The following RFX1 variants were observed in gnomAD, a reference collection of about 807,000 sequenced individuals.
The protein encoded by RFX1 is MHC class II regulatory factor RFX1.
Under a neutral mutation model 119.6 loss-of-function variants are expected in RFX1, and 42 were observed. The observed-to-expected ratio is 0.35, with a 90% CI of 0.27 to 0.45. RFX1 has a LOEUF of 0.45. RFX1 is among the 20% of genes least tolerant of loss of function. The pLI, the probability that RFX1 is intolerant of heterozygous loss-of-function variation, is 1.00. For synonymous variants in RFX1, 628 were observed against 618.5 expected (o/e 1.02, Z -0.23); for missense variants, 1,118 against 1,368.1 (o/e 0.82, Z 2.88).
chr19:13,974,679 T>A (rs1974200298), intron 8 of RFX1, among the ~76,000 whole-genome samples: 1 of 152,136 alleles, frequency 6.6e-6, no homozygotes, highest in East Asian at 1.9e-4. Context: ...AGGGGGCACC[T>A]CTCACCATCT....
intron 1 of RFX1, among the ~76,000 whole-genome samples, chr19:14,000,530 C>A (rs967878949): frequency 1.3e-5 from 2 of 152,156 alleles, no homozygotes; most frequent in Non-Finnish European, 2.9e-5. Context: ...GGGCGCAGTG[C>A]TCACATCTAT....
chr19:13,967,052 C>T (rs535686957), intron 12 of RFX1, among the ~76,000 whole-genome samples: 13 of 152,278 alleles, frequency 8.5e-5, no homozygotes, highest in Admixed American at 5.9e-4. Flanking sequence ...CCCACCTGGC[C>T]GGGGAATGGG....
rs1477572281 is a variant in RFX1, at chr19:13,966,023, G to A, written c.1962-246C>T. 6.6e-6 allele frequency among the ~76,000 whole-genome samples: 1 copy of A among 152,054 alleles called. No individual in the cohort carries two copies. The highest frequency in any genetic ancestry group is 2.4e-5 in the African/African-American group (1 of 41,388). ...TGTCCCCAACCCAGGGTCACTGGGGGCACTCTGTGGCCCTGCCCCCAGCGT... is the reference window on the plus strand; with the variant it reads ...TGTCCCCAACCCAGGGTCACTGGGGACACTCTGTGGCCCTGCCCCCAGCGT... On this transcript the variant is annotated intron_variant, in intron 14 of 20. Transcript: ENST00000254325. This position sits in a 1 kb window ranked among gnomAD's most constrained non-coding sequence, Gnocchi z 6.3.
At position 13,962,854 on chromosome 19, in the gene RFX1, T is replaced by C; in HGVS notation, c.2781A>G (p.Glu927=). Residue 927 remains glutamate (E), a synonymous_variant, in exon 21 of 21, where the codon GAA becomes GAG. Coordinates refer to ENST00000254325, the MANE Select transcript of RFX1 (RefSeq NM_002918.5). ...CGTCCTCGCTCTCCTCCTCCTCTTCTTCCTCCTCGTCTGGAACACAGGGAC... is the reference window on the plus strand; with the variant it reads ...CGTCCTCGCTCTCCTCCTCCTCTTCCTCCTCCTCGTCTGGAACACAGGGAC... ...NPLDPDKDEE[E]EEEEESEDEL... is the part of the protein sequence containing the mutation. 3 of 1,528,284 alleles carry C rather than the reference T, an allele frequency of 2.0e-6. No individual in the cohort carries two copies. The highest frequency in any genetic ancestry group is 1.8e-6 in the Non-Finnish European group (2 of 1,139,122). The allele number at this position is 1,528,284 out of a possible 1,614,324, so 94.7% of individuals were successfully genotyped here.
chr19:13,967,449 TTA>T (rs1438556174), intron 12 of RFX1, among the ~76,000 whole-genome samples: 2 of 151,808 alleles, frequency 1.3e-5, no homozygotes, highest in African/African-American at 2.4e-5. Context: ...CGTGCTGGGA[TTA>T]CACACGTGAG....
In RFX1 at chr19:13,966,518, C is replaced by T. The variant is rs746973928; in HGVS notation, c.1864G>A (p.Val622Ile). 23 of 1,574,380 alleles carry T rather than the reference C, an allele frequency of 1.5e-5. No individual in the cohort carries two copies. The highest frequency in any genetic ancestry group is 3.4e-4 in the Middle Eastern group (2 of 5,874). ...YREHCEAIVDVMVNLQFTLVE... is the reference protein window; with the variant it reads ...YREHCEAIVDIMVNLQFTLVE... ...AGGGTGAACTGCAGGTTCACCATGA[C>T]GTCGACAATGGCCTGTGGCAGAGGC... is the stretch of plus-strand genomic sequence containing the variant. Residue 622 changes from valine (V) to isoleucine (I), a missense_variant, in exon 14 of 21, where the codon GTC becomes ATC. Physicochemically the swap from Val to Ile is conservative, Grantham distance 29. Coordinates refer to ENST00000254325, the MANE Select transcript of RFX1 (RefSeq NM_002918.5). The surrounding 1 kb of genome is among the most constrained non-coding windows in gnomAD (Gnocchi z 6.3).
intron 8 of RFX1, among the ~76,000 whole-genome samples, 167 bp downstream of exon 8, chr19:13,977,825 C>T (rs1045209635): frequency 4.0e-5 from 6 of 151,502 alleles, no homozygotes; most frequent in Admixed American, 1.3e-4. Flanking sequence ...CGCCACTTTT[C>T]GTGGCTGTGG....
chr19:13,994,198 C>T (rs918444273), intron 1 of RFX1, among the ~76,000 whole-genome samples: 2 of 152,102 alleles, frequency 1.3e-5, no homozygotes, highest in Admixed American at 6.6e-5. Context: ...CACATAGGAT[C>T]GCATTTCCCC....
rs1568481460 is a variant in RFX1, at chr19:13,994,924, ATATAT to A, written c.-52-1034_-52-1030del. On this transcript the variant is annotated intron_variant, in intron 1 of 20. Transcript: ENST00000254325. ...TATATATATATATATATATATATATATATATATATATATAATCATTTTTTTCAGAG... is the reference window on the plus strand; with the variant it reads ...TATATATATATATATATATATATATAATATATATAATCATTTTTTTCAGAG... 3.6e-3 allele frequency among the ~76,000 whole-genome samples: 387 copies of A among 107,820 alleles called. 7 individuals carry two copies. The highest frequency in any genetic ancestry group is 0.012 in the African/African-American group (353 of 28,498). 70.7% of individuals were successfully genotyped at this position (107,820 alleles called of 152,430 possible).
At position 13,972,901 on chromosome 19, in the gene RFX1, CACT is replaced by C. The variant is rs1259896452; in HGVS notation, c.1153_1155del (p.Ser385del). On this transcript the variant is annotated inframe_deletion, in exon 9 of 21. Transcript: ENST00000254325. ...CCTCCCCCGCCGCCGCCGCCACCAC[CACT>C]GCCACCACCTCCGCTGCTGTTGCTG... 1.9e-6 allele frequency: 3 copies of C among 1,589,084 alleles called. No homozygotes were observed. Among genetic ancestry groups the C allele is most frequent in the Admixed American group, 1.7e-5 (1 of 58,714 alleles).
chr19:13,999,053 C>CA (rs1361249630), intron 1 of RFX1, among the ~76,000 whole-genome samples: 2 of 152,192 alleles, frequency 1.3e-5, no homozygotes, highest in African/African-American at 2.4e-5. Flanking sequence ...CTGTGATTGT[C>CA]AATCTTTTTC....
At chr19:13,988,787 G>T (rs531238327) in intron 2 of RFX1, among the ~76,000 whole-genome samples, 1 of 152,206 alleles carries the variant, frequency 6.6e-6, no homozygotes, top group Non-Finnish European at 1.5e-5. Context: ...TTGGGAGGCC[G>T]AGGCAGGCAG....
At chr19:13,981,237 C>A (rs1356523331) in intron 5 of RFX1, among the ~76,000 whole-genome samples, 1 of 152,218 alleles carries the variant, frequency 6.6e-6, no homozygotes, top group Non-Finnish European at 1.5e-5. Context: ...GCTGTAATTC[C>A]CACAGCAAGC....
At position 13,969,879 on chromosome 19, in the gene RFX1, A is replaced by G. The variant is rs966233665; in HGVS notation, c.1496+115T>C. ...GAGCGGGGCTGTCGAGGAGCCTCGC[A>G]GAGGCCGGCGGGACTGGGCTGGACT... On this transcript the variant is annotated intron_variant, in intron 10 of 20. Coordinates refer to ENST00000254325, the MANE Select transcript of RFX1 (RefSeq NM_002918.5). The surrounding 1 kb of genome is among the most constrained non-coding windows in gnomAD (Gnocchi z 4.5). 1.1e-5 allele frequency: 12 copies of G among 1,092,912 alleles called. No homozygotes were observed. Among genetic ancestry groups the G allele is most frequent in the Non-Finnish European group, 1.3e-5 (10 of 773,076 alleles). The allele number at this position is 1,092,912 out of a possible 1,614,324, so 67.7% of individuals were successfully genotyped here.
At chr19:13,981,691 A>G (rs1599495924) in intron 5 of RFX1, among the ~76,000 whole-genome samples, 3 of 152,222 alleles carry the variant, frequency 2.0e-5, no homozygotes, top group Non-Finnish European at 4.4e-5. Flanking sequence ...TGATGCAGAC[A>G]GCATCCACAG....
intron 1 of RFX1, among the ~76,000 whole-genome samples, chr19:14,004,066 GCC>G (rs1456178909): frequency 1.3e-5 from 2 of 152,092 alleles, no homozygotes; most frequent in African/African-American, 4.8e-5. Flanking sequence ...GTGCCACCAC[GCC>G]TGGCTAATTT....
rs775652804 is a variant in RFX1, at chr19:13,963,723, G to C, written c.2385C>G (p.Arg795=). 1.0e-5 allele frequency: 16 copies of C among 1,599,576 alleles called. No homozygotes were observed. In the South Asian group the frequency reaches 1.3e-4, roughly 13 times the overall value. Residue 795 remains arginine, a synonymous_variant, in exon 18 of 21, where the codon CGC becomes CGG. Transcript: ENST00000254325. The stretch of plus-strand genomic sequence containing the variant: ...GCCGCTGCACCACGCGGTCCTCGCA[G>C]CGGCACACCCACGAGGCCTGCTCCT... The part of the protein sequence containing the change: ...NVQEQASWVC[R]CEDRVVQRLE...
At chr19:13,997,455 T>C (rs13345243) in intron 1 of RFX1, among the ~76,000 whole-genome samples, 9,700 of 152,256 alleles carry the variant, frequency 0.064, 1,055 homozygotes, top group African/African-American at 0.22. Context: ...CTGTGGGCAG[T>C]GTGTGGCCAG....
At chr19:13,994,794 T>C (rs548262775) in intron 1 of RFX1, among the ~76,000 whole-genome samples, 1 of 147,436 alleles carries the variant, frequency 6.8e-6, no homozygotes, top group African/African-American at 2.5e-5. Context: ...TACATGTACA[T>C]ATATATACAT....
Sources: gnomAD v4.1 joint callset for allele counts (sites outside exome capture counted in the v4.1 genomes callset) on GRCh38, gnomAD v4.1.1 for gene constraint, Gnocchi (gnomAD v3.1) non-coding constraint, MANE v1.5 for transcripts, NCBI Gene and HGNC (gene_info 2026-07-23, HGNC 2026-07-21) for gene names.